Variants in TNIP1 observed in about 807,000 individuals in gnomAD.
TNIP1 encodes the protein TNFAIP3-interacting protein 1.
A neutral mutation model predicts 86.6 loss-of-function variants in TNIP1; 22 were observed. The observed-to-expected ratio is 0.25, with a 90% CI of 0.18 to 0.36. TNIP1 has a LOEUF of 0.36. Ranked by LOEUF, TNIP1 falls within the 10% of genes least tolerant of loss-of-function variation. The pLI, the probability that TNIP1 is intolerant of heterozygous loss-of-function variation, is 1.00. For missense variants in TNIP1, 709 were observed against 820.6 expected (o/e 0.86, Z 1.66); for synonymous variants, 294 against 313.0 (o/e 0.94, Z 0.64).
intron 1 of TNIP1, among the ~76,000 whole-genome samples, chr5:151,080,605 A>AG (rs1223357888): frequency 6.6e-6 from 1 of 152,208 alleles, no homozygotes; most frequent in Non-Finnish European, 1.5e-5. Context: ...CCGCACCCGG[A>AG]GGGTCTGCGC....
At position 151,043,775 on chromosome 5, in the gene TNIP1, TAAAAAAAAAAAAG is replaced by T. The variant is rs368958335; in HGVS notation, c.937-827_937-815del. Among the ~76,000 whole-genome samples the T allele has an allele frequency of 7.6e-3, 1,076 of 141,660 alleles. 11 individuals carry two copies. Among genetic ancestry groups the T allele is most frequent in the African/African-American group, 0.026 (1,003 of 38,968 alleles). The allele number at this position is 141,660 out of a possible 152,430, so 92.9% of individuals were successfully genotyped here. On this transcript the variant is annotated intron_variant, in intron 9 of 17. Transcript: ENST00000521591. ...GGGCAACCAAAGTGAGACCCTATCT[TAAAAAAAAAAAAG>T]AAAAGAAAAAAAGAAAACAGAAAAT...
intron 1 of TNIP1, among the ~76,000 whole-genome samples, chr5:151,069,958 G>A (rs896644993): frequency 2.0e-5 from 3 of 152,158 alleles, no homozygotes; most frequent in East Asian, 3.9e-4. Flanking sequence ...CGCTGCCTTG[G>A]AGGCAGGAAG....
chr5:151,066,157 A>G (rs969186483), intron 1 of TNIP1, among the ~76,000 whole-genome samples: 1 of 152,232 alleles, frequency 6.6e-6, no homozygotes, highest in Non-Finnish European at 1.5e-5. Flanking sequence ...GGGGAACACA[A>G]TATTTCAGGT....
chr5:151,064,993 G>A lies in TNIP1; in HGVS notation c.103C>T (p.Leu35=), dbSNP rs752336225. ...FERLVKENSR[L]KEKMQGIKML... is the part of the protein sequence containing the mutation. ...TTTATCCCTTGCATTTTTTCCTTCAGCCGGGAATTCTCCTTCACTAGGCGC... is the reference window on the plus strand; with the variant it reads ...TTTATCCCTTGCATTTTTTCCTTCAACCGGGAATTCTCCTTCACTAGGCGC... Residue 35 remains leucine (L), a synonymous_variant, in exon 2 of 18, where the codon CTG becomes TTG. Coordinates refer to ENST00000521591, the MANE Select transcript of TNIP1 (RefSeq NM_006058.5). 6.8e-6 allele frequency: 11 copies of A among 1,614,026 alleles called. No individual in the cohort carries two copies. The Admixed American group carries it at 1.3e-4, about 20-fold the overall frequency.
Position 151,053,101 on chromosome 5 carries a change from C to CTTT in TNIP1, c.628-845_628-843dup, listed in dbSNP as rs11390788. 2.1e-4 allele frequency among the ~76,000 whole-genome samples: 18 copies of CTTT among 85,220 alleles called. 1 individual carries two copies. Among genetic ancestry groups the CTTT allele is most frequent in the African/African-American group, 5.6e-4 (12 of 21,486 alleles). 55.9% of individuals were successfully genotyped at this position (85,220 alleles called of 152,430 possible). A position where few individuals can be genotyped will look rare whatever the true frequency, so the allele number is the denominator to read the frequency against. On this transcript the variant is annotated intron_variant, in intron 6 of 17. Coordinates refer to ENST00000521591, the MANE Select transcript of TNIP1 (RefSeq NM_006058.5). ...CTACAAAAGAAAGACAACTGTTTCT[C>CTTT]TTTTTTTTTTTTTTTTTTTTTTTTT... is the stretch of plus-strand genomic sequence containing the variant.
rs115734403 is a variant in TNIP1 at position 151,073,548 on chromosome 5, T to C, written c.-37+7332A>G. Among the ~76,000 whole-genome samples, 1,129 of 143,326 alleles carry C rather than the reference T, an allele frequency of 7.9e-3. 10 individuals are homozygous for C. The highest frequency in any genetic ancestry group is 0.03 in the African/African-American group (1,057 of 34,762). 94.0% of individuals were successfully genotyped at this position (143,326 alleles called of 152,430 possible). On this transcript the variant is annotated intron_variant, in intron 1 of 17. Transcript: ENST00000521591. ...ATACAAAGCAAAGTGCAGATTTATA[T>C]GTGTAACAGGATGCTATTTTTTTCA...
At chr5:151,039,698 TCC>T (rs1758173977) in intron 11 of TNIP1, among the ~76,000 whole-genome samples, 1 of 152,172 alleles carries the variant, frequency 6.6e-6, no homozygotes, top group Admixed American at 6.5e-5. Context: ...TCTTCCGTGA[TCC>T]ACAGAAAGCG....
chr5:151,059,866 TGCGCGCGC>T lies in TNIP1; in HGVS notation c.435+444_435+451del, dbSNP rs72220408. Among the ~76,000 whole-genome samples, 409 of 82,714 alleles carry T rather than the reference TGCGCGCGC, an allele frequency of 4.9e-3. 11 individuals are homozygous for T. In the East Asian group the frequency reaches 0.076, roughly 15 times the overall value. 54.3% of individuals were successfully genotyped at this position (82,714 alleles called of 152,430 possible). A position where few individuals can be genotyped will look rare whatever the true frequency, so the allele number is the denominator to read the frequency against. ...GTGTGTGTGTGTGTGTGTGTGTGTG[TGCGCGCGC>T]GCGCGCGCATGCGTGTAAGTGGAAA... On this transcript the variant is annotated intron_variant, in intron 5 of 17. Transcript: ENST00000521591.
At chr5:151,085,895 T>G (rs974679430), upstream of TNIP1, among the ~76,000 whole-genome samples, 1 of 152,164 alleles carries the variant, frequency 6.6e-6, no homozygotes, top group Non-Finnish European at 1.5e-5. Context: ...GCAATCCTCT[T>G]TCAGTCCCAC....
At chr5:151,033,215 G>T (rs1449577718) in intron 16 of TNIP1, among the ~76,000 whole-genome samples, 2 of 151,112 alleles carry the variant, frequency 1.3e-5, no homozygotes, top group African/African-American at 4.9e-5. Context: ...GGGGAGGGGA[G>T]GGGAGAGGAA....
intron 11 of TNIP1, among the ~76,000 whole-genome samples, chr5:151,041,106 T>C (rs1758363278): frequency 1.3e-5 from 2 of 151,612 alleles, no homozygotes; most frequent in African/African-American, 4.9e-5. Flanking sequence ...GGTCTCATTC[T>C]GTTGCCCAAG....
chr5:151,056,195 A>C (rs1030996814), intron 6 of TNIP1, among the ~76,000 whole-genome samples: 1 of 152,214 alleles, frequency 6.6e-6, no homozygotes, highest in Non-Finnish European at 1.5e-5. Flanking sequence ...TATAACTCCA[A>C]GGTCTGGCCT....
chr5:151,080,680 C>G (rs1329125086), intron 1 of TNIP1, among the ~76,000 whole-genome samples, 200 bp downstream of exon 1: 1 of 152,218 alleles, frequency 6.6e-6, no homozygotes, highest in African/African-American at 2.4e-5. Context: ...GCGCGCCCCC[C>G]ACCAGGCCCA....
At chr5:151,085,322 G>A (rs551816211), upstream of TNIP1, among the ~76,000 whole-genome samples, 209 of 152,318 alleles carry the variant, frequency 1.4e-3, no homozygotes, top group African/African-American at 4.7e-3. Context: ...GAAAGGTAGC[G>A]ATGATCATTA....
At chr5:151,059,399 G>A (rs1031125771) in intron 5 of TNIP1, among the ~76,000 whole-genome samples, 2 of 152,240 alleles carry the variant, frequency 1.3e-5, no homozygotes, top group African/African-American at 4.8e-5. Flanking sequence ...AGGCATGCTA[G>A]TTAGCCAGAC....
At chr5:151,073,933 C>G (rs1040307446) in intron 1 of TNIP1, among the ~76,000 whole-genome samples, 1 of 152,044 alleles carries the variant, frequency 6.6e-6, no homozygotes, top group Non-Finnish European at 1.5e-5. Flanking sequence ...AAAAAAGTCT[C>G]AAAGGATACA....
At chr5:151,034,811 A>C in intron 15 of TNIP1, 191 bp downstream of exon 15, 1 of 626,086 alleles carries the variant, frequency 1.6e-6, no homozygotes, top group Non-Finnish European at 2.8e-6. Context: ...GAATGTCAAC[A>C]GTGATGACAG....
Position 151,032,386 on chromosome 5 carries a change from G to A in TNIP1, c.1780-3C>T. ...GGTAGACGCCAGGTGTATTCCGGCT[G>A]CGACAAAACTGGTGCTTAATAATCA... On this transcript the variant is annotated splice_region_variant and splice_polypyrimidine_tract_variant and intron_variant, in intron 16 of 17. Transcript: ENST00000521591. 1 of 1,613,974 alleles carries A rather than the reference G, an allele frequency of 6.2e-7. No homozygotes were observed. The highest frequency in any genetic ancestry group is 8.5e-7 in the Non-Finnish European group (1 of 1,179,968).
chr5:151,043,379 G>A (rs1758706829), intron 9 of TNIP1, among the ~76,000 whole-genome samples: 1 of 152,206 alleles, frequency 6.6e-6, no homozygotes, highest in East Asian at 1.9e-4. Flanking sequence ...AATCATCTCA[G>A]CAATACCTGT....
Sources: allele counts gnomAD v4.1 joint callset (sites outside exome capture counted in the v4.1 genomes callset), GRCh38; gene constraint gnomAD v4.1.1; transcripts MANE v1.5; gene names NCBI Gene and HGNC (gene_info 2026-07-23, HGNC 2026-07-21).